NALCN: variants seen among roughly 807,000 people sequenced by gnomAD.
The protein encoded by NALCN is sodium leak channel NALCN.
NALCN carries 111 observed loss-of-function variants against 225.3 expected under a neutral mutation model. The ratio of observed to expected loss-of-function variants is 0.49; its 90% CI spans 0.42 to 0.58. The LOEUF (loss-of-function observed/expected upper bound fraction) is 0.58, where lower values mean the gene tolerates loss of function less well. Among genes scored for constraint, NALCN ranks in the 20% least tolerant of loss-of-function variants. The probability of loss-of-function intolerance (pLI) is 0.00; values close to 1 mark genes in which losing one functional copy is unlikely to be tolerated. For missense variants in NALCN, 1,378 were observed against 2,202.4 expected, an observed-to-expected ratio of 0.63 and a Z score of 7.49; for synonymous variants, 764 against 769.0, an observed-to-expected ratio of 0.99 and a Z score of 0.11.
chr13:101,194,114 T>C (rs1389131722), intron 13 of NALCN, among the ~76,000 whole-genome samples: 3 of 152,196 alleles, frequency 2.0e-5, no homozygotes, highest in East Asian at 1.9e-4. Context: ...TGTTTTCTCA[T>C]CTGTTGCATT....
intron 7 of NALCN, among the ~76,000 whole-genome samples, chr13:101,309,604 T>C (rs2044269286): frequency 6.6e-6 from 1 of 152,240 alleles, no homozygotes. Flanking sequence ...GACTCTAGTG[T>C]AATGCCTTGT....
chr13:101,279,839 A>G (rs867506631), intron 10 of NALCN, among the ~76,000 whole-genome samples: 1 of 85,522 alleles, frequency 1.2e-5, no homozygotes, highest in Non-Finnish European at 3.0e-5. Flanking sequence ...AATAAATAAA[A>G]TAAATAAATA....
intron 17 of NALCN, among the ~76,000 whole-genome samples, chr13:101,136,913 C>T (rs2036828223): frequency 1.3e-5 from 2 of 152,150 alleles, no homozygotes; most frequent in South Asian, 4.1e-4. Flanking sequence ...GTTTACGGTC[C>T]CACCAACAGT....
At chr13:101,317,909 T>A (rs1379222903) in intron 7 of NALCN, among the ~76,000 whole-genome samples, 1 of 152,178 alleles carries the variant, frequency 6.6e-6, no homozygotes. Context: ...ATCTACTTAT[T>A]TTTTAACGTA....
chr13:101,411,989 TTAATC>T (rs1286874654), intron 1 of NALCN, among the ~76,000 whole-genome samples: 1 of 152,222 alleles, frequency 6.6e-6, no homozygotes, highest in African/African-American at 2.4e-5. Context: ...AAGTATAACA[TTAATC>T]TAAATTTTCT....
At chr13:101,285,754 T>C (rs1313308530) in intron 9 of NALCN, among the ~76,000 whole-genome samples, 4 of 136,480 alleles carry the variant, frequency 2.9e-5, no homozygotes, top group Non-Finnish European at 6.5e-5. Context: ...TCTGAGAATA[T>C]AGACATCAGT....
At chr13:101,384,541 A>C (rs1286255810) in intron 3 of NALCN, among the ~76,000 whole-genome samples, 2 of 152,200 alleles carry the variant, frequency 1.3e-5, no homozygotes, top group Non-Finnish European at 2.9e-5. Flanking sequence ...TATTGTCCCA[A>C]GTTTCCAGGG....
intron 13 of NALCN, among the ~76,000 whole-genome samples, chr13:101,215,270 A>G (rs548818934): frequency 6.6e-6 from 1 of 152,312 alleles, no homozygotes; most frequent in Non-Finnish European, 1.5e-5. Context: ...TACCCTAAAA[A>G]GAATTATTTC....
At chr13:101,303,824 C>T (rs558741714) in intron 7 of NALCN, among the ~76,000 whole-genome samples, 2 of 152,122 alleles carry the variant, frequency 1.3e-5, no homozygotes, top group South Asian at 2.1e-4. Flanking sequence ...TCTGGGCTAA[C>T]GACCTCAAGA....
chr13:101,254,432 G>A (rs2042157003), intron 11 of NALCN, among the ~76,000 whole-genome samples: 1 of 149,716 alleles, frequency 6.7e-6, no homozygotes, highest in African/African-American at 2.5e-5. Context: ...AAAACCTAGA[G>A]TGGAACAAAT....
At chr13:101,343,320 G>T (rs2045615539) in intron 7 of NALCN, among the ~76,000 whole-genome samples, 1 of 152,184 alleles carries the variant, frequency 6.6e-6, no homozygotes, top group Non-Finnish European at 1.5e-5. Flanking sequence ...CAGTGATGAT[G>T]AATTTGGGAA....
intron 11 of NALCN, among the ~76,000 whole-genome samples, chr13:101,255,543 G>A (rs1931085): frequency 0.49 from 74,022 of 151,992 alleles, 19,189 homozygotes; most frequent in East Asian, 0.58. Context: ...AGAGAGATAA[G>A]CATAACTGTA....
At chr13:101,145,232 C>G (rs1406261516) in intron 15 of NALCN, among the ~76,000 whole-genome samples, 1 of 152,014 alleles carries the variant, frequency 6.6e-6, no homozygotes, top group Non-Finnish European at 1.5e-5. Context: ...CATATTTAAA[C>G]AATAAAATTT....
intron 1 of NALCN, among the ~76,000 whole-genome samples, chr13:101,413,083 G>C (rs904806356): frequency 2.0e-5 from 3 of 152,126 alleles, no homozygotes; most frequent in Admixed American, 2.0e-4. Context: ...AAGAGGGAAT[G>C]TGATCCACCA....
intron 11 of NALCN, among the ~76,000 whole-genome samples, chr13:101,252,197 C>T (rs1407424718): frequency 6.6e-6 from 1 of 152,116 alleles, no homozygotes; most frequent in Non-Finnish European, 1.5e-5. Context: ...ATCTTATTTA[C>T]TTTATTTACC....
intron 10 of NALCN, among the ~76,000 whole-genome samples, chr13:101,260,670 T>C (rs1444911535): frequency 2.6e-5 from 4 of 152,218 alleles, no homozygotes; most frequent in Non-Finnish European, 5.9e-5. Flanking sequence ...TTGTATGTCT[T>C]CTTTTGAGAA....
At chr13:101,408,036 A>G (rs979099403) in intron 1 of NALCN, among the ~76,000 whole-genome samples, 2 of 152,208 alleles carry the variant, frequency 1.3e-5, no homozygotes, top group African/African-American at 4.8e-5. Context: ...TTTGGAGAAG[A>G]TAAGTGCCTT....
chr13:101,256,765 C>CTT (rs59036479), intron 11 of NALCN, among the ~76,000 whole-genome samples: 8,974 of 133,440 alleles, frequency 0.067, 447 homozygotes, highest in Middle Eastern at 0.1. Context: ...CTTCTTTCTG[C>CTT]TTTTTTTTTT....
At chr13:101,268,710 A>T (rs2042678112) in intron 10 of NALCN, among the ~76,000 whole-genome samples, 1 of 152,242 alleles carries the variant, frequency 6.6e-6, no homozygotes, top group African/African-American at 2.4e-5. Context: ...CAGTTAAAGT[A>T]AGAAATATTT....
Sources: allele counts gnomAD v4.1 joint callset (sites outside exome capture counted in the v4.1 genomes callset), GRCh38; gene constraint gnomAD v4.1.1; transcripts MANE v1.5; gene names NCBI Gene and HGNC (gene_info 2026-07-23, HGNC 2026-07-21).